AP3B1: variants seen among roughly 807,000 people sequenced by gnomAD.
AP3B1 encodes the protein AP-3 complex subunit beta-1.
Under a neutral mutation model 132.5 loss-of-function variants are expected in AP3B1, and 61 were observed. The observed-to-expected ratio is 0.46, with a 90% confidence interval of 0.37 to 0.57. The LOEUF is 0.57. AP3B1 is among the 20% of genes least tolerant of loss of function. AP3B1 has a pLI of 0.00. For synonymous variants in AP3B1, 388 were observed against 438.3 expected (o/e 0.89, Z 1.43); for missense variants, 1,120 against 1,289.4 (o/e 0.87, Z 2.01).
In AP3B1 at chr5:78,103,768, A is replaced by G. The variant is rs530162412; in HGVS notation, c.2398-2743T>C. On this transcript the variant is annotated intron_variant, in intron 20 of 26. Transcript: ENST00000255194. ...ATTCAATTATACACCTCAACACATC[A>G]ACATTTTCAAAATGCAATACAAAGT... Among the ~76,000 whole-genome samples, 36 of 152,270 alleles carry G rather than the reference A, an allele frequency of 2.4e-4. No homozygotes were observed. The South Asian group carries it at 7.3e-3, about 31-fold the overall frequency.
chr5:78,042,842 G>C (rs1187396921), intron 22 of AP3B1: 1 of 158,896 alleles, frequency 6.3e-6, no homozygotes, highest in African/African-American at 2.4e-5. Context: ...CCAAACAAGG[G>C]ATGAACAGCA....
At chr5:78,097,548 G>T (rs1750911889) in intron 21 of AP3B1, among the ~76,000 whole-genome samples, 1 of 125,800 alleles carries the variant, frequency 7.9e-6, no homozygotes, top group Non-Finnish European at 1.7e-5. Flanking sequence ...GCCCCGTCCG[G>T]GAGGGAGGTA....
At chr5:78,149,599 A>G (rs911793573) in intron 14 of AP3B1, among the ~76,000 whole-genome samples, 1 of 152,166 alleles carries the variant, frequency 6.6e-6, no homozygotes, top group Non-Finnish European at 1.5e-5. Flanking sequence ...AGTGCTTCAC[A>G]TGCATTGACT....
intron 1 of AP3B1, among the ~76,000 whole-genome samples, chr5:78,273,572 T>A (rs1412037210): frequency 6.6e-6 from 1 of 151,824 alleles, no homozygotes; most frequent in Non-Finnish European, 1.5e-5. Context: ...AAGGACAAAA[T>A]TACAGAGGAG....
chr5:78,174,495 T>C (rs978439076), intron 11 of AP3B1, among the ~76,000 whole-genome samples: 4 of 152,198 alleles, frequency 2.6e-5, no homozygotes, highest in Non-Finnish European at 1.5e-5. Flanking sequence ...CAGACCCTGT[T>C]TGCCTGGTTA....
At chr5:78,210,780 G>A (rs1299273464) in intron 7 of AP3B1, among the ~76,000 whole-genome samples, 2 of 152,028 alleles carry the variant, frequency 1.3e-5, no homozygotes, top group Non-Finnish European at 1.5e-5. Context: ...GCCACTAACA[G>A]ATGTTGGTTT....
chr5:78,140,937 A>G (rs543132372), intron 15 of AP3B1, among the ~76,000 whole-genome samples: 1 of 152,202 alleles, frequency 6.6e-6, no homozygotes, highest in Admixed American at 6.5e-5. Flanking sequence ...ATTAACACAC[A>G]CTATTTCATT....
chr5:78,129,321 A>G lies in AP3B1; in HGVS notation c.1651-14T>C, dbSNP rs767835214. 5 of 1,584,444 alleles carry G rather than the reference A, an allele frequency of 3.2e-6. No homozygotes were observed. The East Asian group carries it at 1.1e-4, about 35-fold the overall frequency. On this transcript the variant is annotated splice_polypyrimidine_tract_variant and intron_variant, in intron 15 of 26. Transcript: ENST00000255194. ...AAGCAATTTTGTCTGTTGGAAAAAA[A>G]CAGATCAAGATGAGAATACAGTTAT... is the stretch of plus-strand genomic sequence containing the variant.
At position 78,141,306 on chromosome 5, in the gene AP3B1, C is replaced by G; in HGVS notation, c.1487G>C (p.Arg496Thr). Reference protein sequence around the residue: ...LLDSITVPVARASILWLIGEN... With the variant: ...LLDSITVPVATASILWLIGEN... ...TCCAATTAGCCAAAGAATACTTGCT[C>G]TAGCAACAGGAACCTAATATGAGAA... Residue 496 changes from arginine to threonine, a missense_variant, in exon 15 of 27, where the codon AGA becomes ACA. Coordinates refer to ENST00000255194, the MANE Select transcript of AP3B1 (RefSeq NM_003664.5). 1 of 1,613,338 alleles carries G rather than the reference C, an allele frequency of 6.2e-7. No homozygotes were observed. The highest frequency in any genetic ancestry group is 2.2e-5 in the East Asian group (1 of 44,858).
At chr5:78,179,140 G>A (rs958615464) in intron 8 of AP3B1, among the ~76,000 whole-genome samples, 22 of 152,074 alleles carry the variant, frequency 1.4e-4, no homozygotes, top group Non-Finnish European at 5.9e-5. Flanking sequence ...ATTAATGATT[G>A]ACCTAATCCA....
At chr5:78,082,578 C>G (rs543822868) in intron 22 of AP3B1, among the ~76,000 whole-genome samples, 2 of 152,274 alleles carry the variant, frequency 1.3e-5, no homozygotes, top group South Asian at 4.1e-4. Context: ...CAAAGAACTG[C>G]TCAAAGTCAC....
intron 21 of AP3B1, among the ~76,000 whole-genome samples, chr5:78,098,267 G>GA (rs1354788005): frequency 1.4e-5 from 2 of 141,604 alleles, no homozygotes; most frequent in Admixed American, 1.4e-4. Context: ...AAACACCCAA[G>GA]AATGATCAAT....
intron 7 of AP3B1, among the ~76,000 whole-genome samples, chr5:78,213,671 T>A (rs1166407619): frequency 6.6e-6 from 1 of 152,204 alleles, no homozygotes; most frequent in Non-Finnish European, 1.5e-5. Context: ...CAAAATGTTT[T>A]ATCCAAAGTA....
intron 7 of AP3B1, among the ~76,000 whole-genome samples, chr5:78,191,645 C>T (rs1744839602): frequency 6.6e-6 from 1 of 152,066 alleles, no homozygotes; most frequent in Admixed American, 6.6e-5. Context: ...CCTAGAACCA[C>T]AAGTAGAACA....
In AP3B1 at chr5:78,181,537, T is replaced by C; in HGVS notation, c.912A>G (p.Thr304=). ...CATTCCTGCTCTGAAGCAAAGGCTT[T>C]GTATTTCTAATTAAGAGTCTATGAT... ...DPDHRLLIRN[T]KPLLQSRNAA... Residue 304 remains threonine, a synonymous_variant, in exon 8 of 27, where the codon ACA becomes ACG. Coordinates refer to ENST00000255194, the MANE Select transcript of AP3B1 (RefSeq NM_003664.5). 6.2e-7 allele frequency: 1 copy of C among 1,613,202 alleles called. No homozygotes were observed. Among genetic ancestry groups the C allele is most frequent in the Non-Finnish European group, 8.5e-7 (1 of 1,179,572 alleles).
At chr5:78,055,035 ACAC>A (rs1748748903) in intron 22 of AP3B1, among the ~76,000 whole-genome samples, 1 of 151,794 alleles carries the variant, frequency 6.6e-6, no homozygotes, top group South Asian at 2.1e-4. Flanking sequence ...ACACACACAC[ACAC>A]ACACACACAC....
At chr5:78,121,170 A>T (rs1246194993) in intron 17 of AP3B1, among the ~76,000 whole-genome samples, 1 of 152,160 alleles carries the variant, frequency 6.6e-6, no homozygotes, top group Non-Finnish European at 1.5e-5. Flanking sequence ...CACATACCAG[A>T]ATCTCTGGGA....
chr5:78,092,664 T>C (rs1750578316), intron 21 of AP3B1, among the ~76,000 whole-genome samples: 1 of 152,208 alleles, frequency 6.6e-6, no homozygotes, highest in Non-Finnish European at 1.5e-5. Flanking sequence ...TTTATTTACT[T>C]ATTTTTGAGG....
chr5:78,187,122 T>C (rs1451525894), intron 7 of AP3B1, among the ~76,000 whole-genome samples: 1 of 152,176 alleles, frequency 6.6e-6, no homozygotes, highest in East Asian at 1.9e-4. Context: ...TAGTGCTTAA[T>C]AAAAAGACTA....
Sources: allele counts gnomAD v4.1 joint callset (sites outside exome capture counted in the v4.1 genomes callset), GRCh38; gene constraint gnomAD v4.1.1; transcripts MANE v1.5; gene names NCBI Gene and HGNC (gene_info 2026-07-23, HGNC 2026-07-21).